Variants in SLC5A10 observed in about 807,000 individuals in gnomAD.
The protein encoded by SLC5A10 is solute carrier family 5 member 10, also known as sodium/mannose cotransporter SLC5A10.
Under a neutral mutation model 68.9 loss-of-function variants are expected in SLC5A10, and 55 were observed. That is an observed-to-expected ratio of 0.80 (90% CI 0.64 to 1.00). The LOEUF is 1.00. SLC5A10 is among the 50% of genes least tolerant of loss of function. SLC5A10 has a pLI of 0.00. For synonymous variants in SLC5A10, 344 were observed against 344.8 expected (o/e 1.00, Z 0.02); for missense variants, 732 against 819.3 (o/e 0.89, Z 1.30).
At position 18,971,646 on chromosome 17, in the gene SLC5A10, T is replaced by C. The variant is rs1378403332; in HGVS notation, c.846+428T>C. The C allele has an allele frequency of 6.2e-7, 1 of 1,613,226 alleles. No individual in the cohort carries two copies. Among genetic ancestry groups the C allele is most frequent in the East Asian group, 2.2e-5 (1 of 44,866 alleles). On this transcript the variant is annotated intron_variant, in intron 8 of 14. Transcript: ENST00000395645. The surrounding 1 kb of genome is among the most constrained non-coding windows in gnomAD (Gnocchi z 5.5). ...GCTGGGCCAGCGTTTCTGGTAGAGC[T>C]CTGGACGCTGTCAGCAGCAGAGCGG... is the stretch of plus-strand genomic sequence containing the variant.
intron 2 of SLC5A10, among the ~76,000 whole-genome samples, 177 bp from the exon 3 acceptor site, chr17:18,958,958 A>G (rs945220180): frequency 6.6e-6 from 1 of 152,214 alleles, no homozygotes; most frequent in Non-Finnish European, 1.5e-5. Context: ...TGAAACTTAC[A>G]TCCGCTCCTT....
At chr17:18,966,535 G>T (rs1305237933) in intron 5 of SLC5A10, among the ~76,000 whole-genome samples, 1 of 152,092 alleles carries the variant, frequency 6.6e-6, no homozygotes, top group Non-Finnish European at 1.5e-5. Flanking sequence ...AGGCCGAGGT[G>T]GGTGGATCAC....
At chr17:18,997,572 A>G (rs928309945) in intron 9 of SLC5A10, among the ~76,000 whole-genome samples, 2 of 152,270 alleles carry the variant, frequency 1.3e-5, no homozygotes, top group African/African-American at 4.8e-5. Flanking sequence ...AGCGACAGAC[A>G]TTGGGGCCAT....
chr17:18,995,911 TAAAA>T (rs555014135), intron 9 of SLC5A10, among the ~76,000 whole-genome samples: 1 of 125,308 alleles, frequency 8.0e-6, no homozygotes, highest in African/African-American at 2.8e-5. Context: ...CTGTCTCAAT[TAAAA>T]AAAAAAAAAA....
chr17:19,021,834 C>T lies in SLC5A10; in HGVS notation c.*1403C>T, dbSNP rs1041373889. 8 of 1,000,526 alleles carry T rather than the reference C, an allele frequency of 8.0e-6. No homozygotes were observed. The highest frequency in any genetic ancestry group is 1.1e-5 in the Non-Finnish European group (8 of 753,308). The allele number at this position is 1,000,526 out of a possible 1,614,324, so 62.0% of individuals were successfully genotyped here. The stretch of plus-strand genomic sequence containing the variant: ...AGAGCGGCCGGAGGCAGTTAGGAGC[C>T]CACGTTCAGTCCAAGGCCGTCCACT... On this transcript the variant is annotated 3_prime_UTR_variant, in exon 15 of 15. Coordinates refer to ENST00000395645, the MANE Select transcript of SLC5A10 (RefSeq NM_001042450.4). This position sits in a 1 kb window ranked among gnomAD's most constrained non-coding sequence, Gnocchi z 4.1.
chr17:19,019,765 T>C lies in SLC5A10; in HGVS notation c.1463T>C (p.Val488Ala). 1 of 1,612,738 alleles carries C rather than the reference T, an allele frequency of 6.2e-7. No homozygotes were observed. The highest frequency in any genetic ancestry group is 8.5e-7 in the Non-Finnish European group (1 of 1,179,764). Residue 488 changes from valine to alanine, a missense_variant, in exon 13 of 15, where the codon GTC becomes GCC. Val to Ala is a moderately conservative substitution (Grantham distance 64). Coordinates refer to ENST00000395645, the MANE Select transcript of SLC5A10 (RefSeq NM_001042450.4). ...AGLVVGATRLVLEFLNPAPPC... is the reference protein window; with the variant it reads ...AGLVVGATRLALEFLNPAPPC... Reference sequence around the variant, plus strand: ...CTGGTGGTGGGGGCCACGAGGCTGGTCCTGGAATTCCTGAACCCAGCCCCA... The same window carrying C: ...CTGGTGGTGGGGGCCACGAGGCTGGCCCTGGAATTCCTGAACCCAGCCCCA...
At chr17:18,977,699 C>A in intron 9 of SLC5A10, 1 of 1,610,482 alleles carries the variant, frequency 6.2e-7, no homozygotes, top group South Asian at 1.1e-5. Flanking sequence ...AAAGGTCCCT[C>A]GGGTTATATG....
At chr17:18,972,324 A>G (rs938054700) in intron 8 of SLC5A10, among the ~76,000 whole-genome samples, 1 of 152,190 alleles carries the variant, frequency 6.6e-6, no homozygotes, top group Non-Finnish European at 1.5e-5. Context: ...AGGACAAGGC[A>G]GCCACAGCCA....
chr17:18,991,856 A>C (rs1490909674), intron 9 of SLC5A10, among the ~76,000 whole-genome samples: 8 of 152,218 alleles, frequency 5.3e-5, no homozygotes, highest in African/African-American at 1.9e-4. Flanking sequence ...GAGGCCTCGA[A>C]GATGCAGCTG....
intron 10 of SLC5A10, 63 bp from the exon 11 acceptor site, chr17:19,014,986 G>A (rs1422759640): frequency 7.0e-6 from 11 of 1,570,232 alleles, no homozygotes; most frequent in East Asian, 2.3e-5. Flanking sequence ...GAGCCCAGGC[G>A]GGAGGGGTTC....
intron 1 of SLC5A10, 177 bp downstream of exon 1, chr17:18,952,493 CGT>C: frequency 1.4e-6 from 1 of 703,644 alleles, no homozygotes; most frequent in Non-Finnish European, 2.3e-6. Context: ...TGACCAAGCC[CGT>C]TTCTCTCTTT....
intron 9 of SLC5A10, among the ~76,000 whole-genome samples, chr17:18,984,528 T>G (rs2043219631): frequency 6.6e-6 from 1 of 152,174 alleles, no homozygotes; most frequent in Non-Finnish European, 1.5e-5. Context: ...ACCGTGTGCC[T>G]TCCCATGGCC....
At chr17:18,972,615 C>T (rs930515790) in intron 8 of SLC5A10, among the ~76,000 whole-genome samples, 1 of 152,172 alleles carries the variant, frequency 6.6e-6, no homozygotes, top group African/African-American at 2.4e-5. Context: ...GTAATCCCAG[C>T]ACTTTGGGAG....
intron 9 of SLC5A10, among the ~76,000 whole-genome samples, chr17:19,010,402 AC>A (rs2043988824): frequency 6.6e-6 from 1 of 151,930 alleles, no homozygotes; most frequent in African/African-American, 2.4e-5. Context: ...ACCCTGGCAA[AC>A]CCATAGACCC....
At chr17:18,987,025 C>T (rs1307636072) in intron 9 of SLC5A10, among the ~76,000 whole-genome samples, 1 of 152,194 alleles carries the variant, frequency 6.6e-6, no homozygotes, top group Non-Finnish European at 1.5e-5. Flanking sequence ...AGACTCACCA[C>T]GGAGTGCTCA....
intron 1 of SLC5A10, 198 bp downstream of exon 1, chr17:18,952,514 G>C: frequency 3.4e-6 from 2 of 587,884 alleles, no homozygotes; most frequent in Non-Finnish European, 5.8e-6. Flanking sequence ...TTGGGTAATG[G>C]CGTCTCCATC....
chr17:19,019,986 T>A (rs2044230086), intron 13 of SLC5A10, 58 bp downstream of exon 13: 1 of 1,515,494 alleles, frequency 6.6e-7, no homozygotes, highest in South Asian at 1.2e-5. Flanking sequence ...CTGGTCCCAT[T>A]CTCATCCCCG....
chr17:18,981,527 G>A (rs1373243127), intron 9 of SLC5A10, among the ~76,000 whole-genome samples: 1 of 152,176 alleles, frequency 6.6e-6, no homozygotes, highest in Non-Finnish European at 1.5e-5. Context: ...CTATGGGAGA[G>A]GAGGGGAGCC....
rs1476890430 is a variant in SLC5A10 at position 18,968,731 on chromosome 17, G to A, written c.454-321G>A. 2 of 343,596 alleles carry A rather than the reference G, an allele frequency of 5.8e-6. No individual in the cohort carries two copies. Among genetic ancestry groups the A allele is most frequent in the Admixed American group, 4.5e-5 (1 of 22,246 alleles). 21.3% of individuals were successfully genotyped at this position (343,596 alleles called of 1,614,324 possible). On this transcript the variant is annotated intron_variant, in intron 5 of 14. Transcript: ENST00000395645. This position sits in a 1 kb window ranked among gnomAD's most constrained non-coding sequence, Gnocchi z 4.1. ...ATCAAGGTGCCCCTGGGAACCGAGG[G>A]GACAGGGCTCTGCCTTTTATCCCCT...
Sources: gnomAD v4.1 joint callset for allele counts (sites outside exome capture counted in the v4.1 genomes callset) on GRCh38, gnomAD v4.1.1 for gene constraint, Gnocchi (gnomAD v3.1) non-coding constraint, MANE v1.5 for transcripts, NCBI Gene and HGNC (gene_info 2026-07-23, HGNC 2026-07-21) for gene names.